Variants in RGS20 observed in about 807,000 individuals in gnomAD.
The protein encoded by RGS20 is regulator of G protein signaling 20, also known as gz-selective GTPase-activating protein.
RGS20 carries 30 observed loss-of-function variants against 33.6 expected under a neutral mutation model. The observed-to-expected ratio is 0.89, with a 90% CI of 0.67 to 1.21. The LOEUF is 1.21. RGS20 is among the 50% of genes most tolerant of loss of function. RGS20 has a pLI of 0.00. For synonymous variants in RGS20, 208 were observed against 197.9 expected, an observed-to-expected ratio of 1.05 and a Z score of -0.43; for missense variants, 472 against 502.4, an observed-to-expected ratio of 0.94 and a Z score of 0.58.
intron 2 of RGS20, among the ~76,000 whole-genome samples, chr8:53,934,577 G>A (rs1209676879): frequency 1.3e-5 from 2 of 152,102 alleles, no homozygotes. Context: ...AAACATATAT[G>A]CACCCAATAA....
At chr8:53,865,263 G>A (rs1282919843) in intron 1 of RGS20, among the ~76,000 whole-genome samples, 1 of 152,212 alleles carries the variant, frequency 6.6e-6, no homozygotes, top group Non-Finnish European at 1.5e-5. Flanking sequence ...AAATGGAGTG[G>A]CCCTCTTGTG....
chr8:53,935,708 A>G (rs1814111128), intron 2 of RGS20, among the ~76,000 whole-genome samples: 1 of 151,246 alleles, frequency 6.6e-6, no homozygotes, highest in African/African-American at 2.4e-5. Context: ...TCCAAACAAT[A>G]GAAACAATAG....
chr8:53,903,785 G>A (rs1813094312), intron 2 of RGS20, among the ~76,000 whole-genome samples: 1 of 152,182 alleles, frequency 6.6e-6, no homozygotes, highest in African/African-American at 2.4e-5. Context: ...AAGCAGAGCA[G>A]AAAGACCATA....
intron 2 of RGS20, among the ~76,000 whole-genome samples, chr8:53,905,863 CTG>C (rs1321060760): frequency 6.6e-6 from 1 of 152,196 alleles, no homozygotes; most frequent in Non-Finnish European, 1.5e-5. Context: ...TCTTCAGAAA[CTG>C]TTTCCTTCAG....
chr8:53,883,819 G>A (rs1384470328), intron 2 of RGS20, among the ~76,000 whole-genome samples: 4 of 151,912 alleles, frequency 2.6e-5, no homozygotes, highest in African/African-American at 4.8e-5. Flanking sequence ...GGTTGCTGGC[G>A]CCTGTAATCC....
At chr8:53,907,572 A>C (rs1398208772) in intron 2 of RGS20, among the ~76,000 whole-genome samples, 1 of 151,384 alleles carries the variant, frequency 6.6e-6, no homozygotes, top group Non-Finnish European at 1.5e-5. Flanking sequence ...GTGACAGAGC[A>C]AGACTCCATC....
chr8:53,895,912 G>T (rs1276933710), intron 2 of RGS20, among the ~76,000 whole-genome samples: 1 of 151,722 alleles, frequency 6.6e-6, no homozygotes, highest in Non-Finnish European at 1.5e-5. Context: ...CTCCCAAAGT[G>T]CTGGGTTTAC....
At chr8:53,874,407 C>T (rs568460212) in intron 1 of RGS20, among the ~76,000 whole-genome samples, 17 of 146,570 alleles carry the variant, frequency 1.2e-4, no homozygotes, top group South Asian at 7.1e-4. Flanking sequence ...TGTGTGCGCG[C>T]GCGTGTGCTT....
At chr8:53,949,328 G>T (rs1814644678) in intron 4 of RGS20, among the ~76,000 whole-genome samples, 2 of 132,390 alleles carry the variant, frequency 1.5e-5, no homozygotes, top group South Asian at 4.8e-4. Flanking sequence ...ATATTTATTG[G>T]TCATTTACAA....
chr8:53,901,934 A>T (rs549855714), intron 2 of RGS20, among the ~76,000 whole-genome samples: 49 of 152,206 alleles, frequency 3.2e-4, no homozygotes, highest in Non-Finnish European at 6.3e-4. Context: ...AGATTAATCC[A>T]CTTATTGAGG....
chr8:53,925,827 G>A (rs1813780629), intron 2 of RGS20, among the ~76,000 whole-genome samples: 1 of 152,174 alleles, frequency 6.6e-6, no homozygotes, highest in Non-Finnish European at 1.5e-5. Flanking sequence ...TAGTAGCACT[G>A]TGTTCTGACA....
In RGS20 at chr8:53,890,735, T is replaced by C. The variant is rs377080275; in HGVS notation, c.510+11133T>C. Among the ~76,000 whole-genome samples the C allele has an allele frequency of 5.9e-5, 9 of 152,296 alleles. No homozygotes were observed. In the East Asian group the frequency reaches 1.2e-3, roughly 20 times the overall value. On this transcript the variant is annotated intron_variant, in intron 2 of 5. Transcript: ENST00000297313. Reference sequence around the variant, plus strand: ...ACCTAGAATTCCTGGGCTCAAGCAGTCCTCCCACTTCAACCTCCTGAGTAG... The same window carrying C: ...ACCTAGAATTCCTGGGCTCAAGCAGCCCTCCCACTTCAACCTCCTGAGTAG...
intron 2 of RGS20, among the ~76,000 whole-genome samples, chr8:53,901,132 A>G (rs1407052503): frequency 6.7e-6 from 1 of 149,644 alleles, no homozygotes; most frequent in Non-Finnish European, 1.5e-5. Flanking sequence ...GGCGCAATCA[A>G]TCTCAGCTCA....
rs1221254103 is a variant in RGS20, at chr8:53,901,104, C to A, written c.510+21502C>A. 2.0e-5 allele frequency among the ~76,000 whole-genome samples: 3 copies of A among 149,432 alleles called. No individual in the cohort carries two copies. The Admixed American group carries it at 2.0e-4, about 10-fold the overall frequency. On this transcript the variant is annotated intron_variant, in intron 2 of 5. Transcript: ENST00000297313. ...TTTGAGATGGAGTCTTGCTCTATCACCCAGGCTGGAGTGCAGTGGCGCAAT... is the reference window on the plus strand; with the variant it reads ...TTTGAGATGGAGTCTTGCTCTATCAACCAGGCTGGAGTGCAGTGGCGCAAT...
At chr8:53,879,783 G>A (rs1030367381) in intron 2 of RGS20, 36 of 493,974 alleles carry the variant, frequency 7.3e-5, no homozygotes, top group Admixed American at 1.2e-4. Flanking sequence ...CGGCTCCCGG[G>A]ACACCGCCCC....
Position 53,879,537 on chromosome 8 carries a change from C to G in RGS20, c.445C>G (p.Pro149Ala), listed in dbSNP as rs768122353. Residue 149 changes from proline (P) to alanine (A), a missense_variant, in exon 2 of 6, where the codon CCC (proline) becomes GCC (alanine). By Grantham distance (27) the Pro-to-Ala change is conservative. Around this residue, in one of 3 missense-constraint regions of RGS20, gnomAD observed 319 missense variants for 283.4 expected, o/e 1.13. Transcript: ENST00000297313. ...ACCCTCGGGGGGTCGTCCGCTGAGG[C>G]CCCCCCATCCGGTAGCCAAGCCCAG... The G allele has an allele frequency of 1.3e-6, 2 of 1,540,710 alleles. No individual in the cohort carries two copies. Among genetic ancestry groups the G allele is most frequent in the African/African-American group, 2.8e-5 (2 of 71,688 alleles).
At chr8:53,955,250 T>G (rs2129294571) in intron 5 of RGS20, among the ~76,000 whole-genome samples, 1 of 151,670 alleles carries the variant, frequency 6.6e-6, no homozygotes, top group African/African-American at 2.4e-5. Context: ...TGTGAAAAAT[T>G]TTGTGCATTT....
intron 2 of RGS20, among the ~76,000 whole-genome samples, chr8:53,915,786 T>C (rs1373191292): frequency 6.6e-6 from 1 of 152,146 alleles, no homozygotes; most frequent in African/African-American, 2.4e-5. Context: ...GTGTTTAGAA[T>C]TGGAGTCTCG....
At chr8:53,918,922 G>A (rs912648646) in intron 2 of RGS20, among the ~76,000 whole-genome samples, 2 of 152,146 alleles carry the variant, frequency 1.3e-5, no homozygotes, top group Non-Finnish European at 2.9e-5. Flanking sequence ...AGTTTTCTGG[G>A]CATATATAGG....
Sources: allele counts gnomAD v4.1 joint callset (sites outside exome capture counted in the v4.1 genomes callset), GRCh38; gene constraint gnomAD v4.1.1; regional missense constraint gnomAD v4.1.1; transcripts MANE v1.5; gene names NCBI Gene and HGNC (gene_info 2026-07-23, HGNC 2026-07-21).